The following CERS6 variants were observed in gnomAD, a reference collection of about 807,000 sequenced individuals.
The protein encoded by CERS6 is LAG1 homolog, ceramide synthase 6.
CERS6 carries 26 observed loss-of-function variants against 56.8 expected under a neutral mutation model. The ratio of observed to expected loss-of-function variants is 0.46; its 90% CI spans 0.34 to 0.63. The LOEUF is 0.63. Ranked by LOEUF, CERS6 falls within the 30% of genes least tolerant of loss-of-function variation. The pLI is 0.01. For missense variants in CERS6, 415 were observed against 467.5 expected, an observed-to-expected ratio of 0.89 and a Z score of 1.04; for synonymous variants, 164 against 173.3, an observed-to-expected ratio of 0.95 and a Z score of 0.42.
rs1181148972 is a variant in CERS6, at chr2:168,736,252, T to C, written c.845+18274T>C. On this transcript the variant is annotated intron_variant, in intron 8 of 9. Coordinates refer to ENST00000305747, the MANE Select transcript of CERS6 (RefSeq NM_203463.3). Reference sequence around the variant, plus strand: ...GAAAGTATCTCAAGGTTTAAAGCACTGTATAGCACTGTGTCTATTTCATTT... The same window carrying C: ...GAAAGTATCTCAAGGTTTAAAGCACCGTATAGCACTGTGTCTATTTCATTT... 2.6e-5 allele frequency among the ~76,000 whole-genome samples: 4 copies of C among 152,262 alleles called. No individual in the cohort carries two copies. The East Asian group carries it at 7.7e-4, about 29-fold the overall frequency.
At chr2:168,477,331 T>TG (rs935544048) in intron 1 of CERS6, among the ~76,000 whole-genome samples, 3 of 152,076 alleles carry the variant, frequency 2.0e-5, no homozygotes, top group African/African-American at 7.2e-5. Flanking sequence ...CATGCAAGTT[T>TG]GGGGGGACAT....
chr2:168,733,629 G>A (rs750578249), intron 8 of CERS6, among the ~76,000 whole-genome samples: 5 of 152,182 alleles, frequency 3.3e-5, no homozygotes, highest in Non-Finnish European at 7.3e-5. Context: ...TACAGTAGAC[G>A]AGTATATAAA....
intron 2 of CERS6, among the ~76,000 whole-genome samples, chr2:168,553,602 A>G (rs1177098263): frequency 1.3e-5 from 2 of 152,220 alleles, no homozygotes; most frequent in Non-Finnish European, 2.9e-5. Context: ...TTTACTCTGT[A>G]AAGGTTATAG....
intron 9 of CERS6, among the ~76,000 whole-genome samples, chr2:168,767,758 A>C (rs1350074711): frequency 1.3e-5 from 2 of 152,168 alleles, no homozygotes; most frequent in African/African-American, 4.8e-5. Flanking sequence ...CTCATGTTAG[A>C]GTGTAGTGGT....
At chr2:168,703,579 A>G (rs1424225368) in intron 6 of CERS6, among the ~76,000 whole-genome samples, 3 of 152,270 alleles carry the variant, frequency 2.0e-5, no homozygotes, top group East Asian at 3.9e-4. Context: ...AAACAAAAAA[A>G]AAGTGACTCC....
chr2:168,503,652 TC>T (rs34782141), intron 1 of CERS6, among the ~76,000 whole-genome samples: 3 of 152,172 alleles, frequency 2.0e-5, no homozygotes, highest in Non-Finnish European at 2.9e-5. Context: ...TGCTTGCTGT[TC>T]CTGTGGGGCT....
Position 168,769,698 on chromosome 2 carries a change from A to G in CERS6, c.*36A>G, listed in dbSNP as rs761258895. On this transcript the variant is annotated 3_prime_UTR_variant, in exon 10 of 10. Coordinates refer to ENST00000305747, the MANE Select transcript of CERS6 (RefSeq NM_203463.3). ...CTACAAGTCCCAAGCAAAGTGAACT[A>G]TTTGTTCCTGGAAGTATTTAATAAG... 62 of 1,596,878 alleles carry G rather than the reference A, an allele frequency of 3.9e-5. No homozygotes were observed. In the East Asian group the frequency reaches 4.7e-4, roughly 12 times the overall value.
chr2:168,538,860 C>T (rs1695315470), intron 1 of CERS6, among the ~76,000 whole-genome samples: 1 of 152,158 alleles, frequency 6.6e-6, no homozygotes. Flanking sequence ...AGATAAATAC[C>T]TAAAAGTGGG....
intron 3 of CERS6, among the ~76,000 whole-genome samples, chr2:168,622,638 G>C (rs1684499604): frequency 6.6e-6 from 1 of 152,160 alleles, no homozygotes; most frequent in Non-Finnish European, 1.5e-5. Context: ...AAGTGAATAG[G>C]TGAATGGGTT....
At chr2:168,562,683 A>G (rs1036540689) in intron 3 of CERS6, among the ~76,000 whole-genome samples, 2 of 152,222 alleles carry the variant, frequency 1.3e-5, no homozygotes, top group Non-Finnish European at 1.5e-5. Flanking sequence ...CTTTTCTCCT[A>G]TCTCAGAATT....
Position 168,456,686 on chromosome 2 carries a change from T to C in CERS6, c.170+68T>C. On this transcript the variant is annotated intron_variant, in intron 1 of 9. Transcript: ENST00000305747. This position sits in a 1 kb window ranked among gnomAD's most constrained non-coding sequence, Gnocchi z 4.1. ...CACACGCGCGCACACACTCGCGCGC[T>C]CTCTGGCGCACGCCCCCGCGCCCCC... 1 of 1,473,966 alleles carries C rather than the reference T, an allele frequency of 6.8e-7. No homozygotes were observed. The highest frequency in any genetic ancestry group is 9.3e-7 in the Non-Finnish European group (1 of 1,079,880). 91.3% of individuals were successfully genotyped at this position (1,473,966 alleles called of 1,614,324 possible). A position where few individuals can be genotyped will look rare whatever the true frequency, so the allele number is the denominator to read the frequency against.
chr2:168,724,272 G>T (rs1683276019), intron 8 of CERS6, among the ~76,000 whole-genome samples: 1 of 152,086 alleles, frequency 6.6e-6, no homozygotes, highest in South Asian at 2.1e-4. Context: ...TGGTCTCGCT[G>T]GCTCAGGAGT....
chr2:168,483,514 G>A (rs1405520280), intron 1 of CERS6, among the ~76,000 whole-genome samples: 1 of 152,168 alleles, frequency 6.6e-6, no homozygotes, highest in Admixed American at 6.5e-5. Context: ...TTGGTTCAGA[G>A]TTGGCATCAA....
intron 4 of CERS6, among the ~76,000 whole-genome samples, chr2:168,650,496 T>G (rs1454211155): frequency 6.6e-6 from 1 of 152,210 alleles, no homozygotes; most frequent in Admixed American, 6.5e-5. Context: ...CAACAAATAC[T>G]GATTCCTTCT....
chr2:168,486,683 C>G (rs912757545), intron 1 of CERS6, among the ~76,000 whole-genome samples: 2 of 152,096 alleles, frequency 1.3e-5, no homozygotes. Flanking sequence ...TACTTTTTAA[C>G]TGCAAATTTG....
At chr2:168,496,932 A>G (rs769878949) in intron 1 of CERS6, among the ~76,000 whole-genome samples, 5 of 152,220 alleles carry the variant, frequency 3.3e-5, no homozygotes, top group Non-Finnish European at 7.3e-5. Context: ...AACATTGAAA[A>G]ATCTGTGTTA....
chr2:168,554,336 T>A (rs1695637398), intron 2 of CERS6, among the ~76,000 whole-genome samples: 1 of 152,210 alleles, frequency 6.6e-6, no homozygotes, highest in Non-Finnish European at 1.5e-5. Flanking sequence ...TTCCCCAAAA[T>A]GTATACATTG....
intron 8 of CERS6, among the ~76,000 whole-genome samples, chr2:168,759,502 A>C (rs2105456578): frequency 6.6e-6 from 1 of 152,294 alleles, no homozygotes; most frequent in South Asian, 2.1e-4. Flanking sequence ...TAGAGGTTCG[A>C]TGCTATTATT....
chr2:168,597,897 T>C (rs559439247), intron 3 of CERS6, among the ~76,000 whole-genome samples: 12 of 152,308 alleles, frequency 7.9e-5, no homozygotes, highest in Non-Finnish European at 1.3e-4. Context: ...GCATAGACTT[T>C]AATGTGTTTG....
Sources: allele counts gnomAD v4.1 joint callset (sites outside exome capture counted in the v4.1 genomes callset), GRCh38; gene constraint gnomAD v4.1.1; non-coding constraint Gnocchi (gnomAD v3.1); transcripts MANE v1.5; gene names NCBI Gene and HGNC (gene_info 2026-07-23, HGNC 2026-07-21).